CCDC178: variants seen among roughly 807,000 people sequenced by gnomAD.
CCDC178 encodes coiled-coil domain-containing protein 178.
CCDC178 carries 126 observed loss-of-function variants against 117.4 expected under a neutral mutation model. The observed-to-expected ratio is 1.07, with a 90% confidence interval of 0.93 to 1.24. CCDC178 has a LOEUF of 1.24. Ranked by LOEUF, CCDC178 falls within the 50% of genes most tolerant of loss-of-function variation. CCDC178 has a pLI of 0.00. For synonymous variants in CCDC178, 283 were observed against 313.4 expected (o/e 0.90, Z 1.02); for missense variants, 1,030 against 986.9 (o/e 1.04, Z -0.59).
intron 21 of CCDC178, among the ~76,000 whole-genome samples, chr18:32,990,216 G>A (rs1175912807): frequency 6.6e-6 from 1 of 151,986 alleles, no homozygotes; most frequent in Admixed American, 6.6e-5. Context: ...CTACAGCTAG[G>A]CAATTCTCAT....
chr18:33,273,569 T>C (rs191494864), intron 12 of CCDC178, among the ~76,000 whole-genome samples: 2 of 151,650 alleles, frequency 1.3e-5, no homozygotes, highest in Non-Finnish European at 3.0e-5. Context: ...CCATACTACA[T>C]TAATTACCAA....
rs1048986827 is a variant in CCDC178 at position 33,327,942 on chromosome 18, T to G, written c.880-4309A>C. ...ATATAATTTGCAATGTTTTCTTTCA[T>G]TCTATAGGTTGTCTTTTTACTTTCT... On this transcript the variant is annotated intron_variant, in intron 10 of 22. Transcript: ENST00000383096. Among the ~76,000 whole-genome samples, 11 of 152,098 alleles carry G rather than the reference T, an allele frequency of 7.2e-5. 1 individual carries two copies. The highest frequency in any genetic ancestry group is 6.5e-4 in the Admixed American group (10 of 15,270).
At chr18:33,191,506 TGTAA>T (rs550997536) in intron 20 of CCDC178, among the ~76,000 whole-genome samples, 1 of 152,146 alleles carries the variant, frequency 6.6e-6, no homozygotes, top group Non-Finnish European at 1.5e-5. Context: ...GAGCAGGCTA[TGTAA>T]GTATTTTCTG....
At position 32,977,824 on chromosome 18, in the gene CCDC178, G is replaced by A. The variant is rs558786712; in HGVS notation, c.2389-3143C>T. On this transcript the variant is annotated intron_variant, in intron 21 of 22. Transcript: ENST00000383096. ...TCCCCCAAGAGATCCTAGGATACTC[G>A]GAACTACACCTATGAACAAAGATTT... 2.9e-3 allele frequency among the ~76,000 whole-genome samples: 438 copies of A among 151,822 alleles called. 1 individual carries two copies. Among genetic ancestry groups the A allele is most frequent in the African/African-American group, 9.6e-3 (396 of 41,376 alleles).
intron 6 of CCDC178, among the ~76,000 whole-genome samples, chr18:33,366,625 C>T (rs1042777300): frequency 1.1e-4 from 16 of 151,950 alleles, no homozygotes; most frequent in African/African-American, 3.6e-4. Context: ...CCAATGTATA[C>T]AAATCCGTGG....
chr18:33,191,950 C>T (rs766263576), intron 20 of CCDC178, among the ~76,000 whole-genome samples: 1 of 152,042 alleles, frequency 6.6e-6, no homozygotes, highest in Non-Finnish European at 1.5e-5. Context: ...ATTAGTAATA[C>T]ATTAAAAATA....
At chr18:33,050,082 AAAAT>A (rs756932204) in intron 21 of CCDC178, among the ~76,000 whole-genome samples, 61 of 152,196 alleles carry the variant, frequency 4.0e-4, no homozygotes, top group Middle Eastern at 3.4e-3. Flanking sequence ...CTCCATCTCA[AAAAT>A]AAATAAATAA....
Position 33,367,532 on chromosome 18 carries a change from AT to A in CCDC178, c.348+2517del, listed in dbSNP as rs1186214757. On this transcript the variant is annotated intron_variant, in intron 6 of 22. Transcript: ENST00000383096. Reference sequence around the variant, plus strand: ...TGTAAGGTTGTCTAATATTACCAACATTTTTTGGTAATATTATCACTTTTTC... The same window carrying A: ...TGTAAGGTTGTCTAATATTACCAACATTTTTGGTAATATTATCACTTTTTC... Among the ~76,000 whole-genome samples the A allele has an allele frequency of 9.9e-5, 15 of 152,076 alleles. No homozygotes were observed. In the East Asian group the frequency reaches 2.9e-3, roughly 29 times the overall value.
At chr18:33,212,193 G>A in intron 19 of CCDC178, 138 bp from the exon 20 acceptor site, 1 of 582,130 alleles carries the variant, frequency 1.7e-6, no homozygotes, top group Non-Finnish European at 2.8e-6. Context: ...AAATTCCCTG[G>A]TTTTTCTCAA....
intron 11 of CCDC178, among the ~76,000 whole-genome samples, chr18:33,307,217 G>A (rs1448293326): frequency 6.6e-6 from 1 of 152,204 alleles, no homozygotes; most frequent in Non-Finnish European, 1.5e-5. Context: ...AAGAAGACAG[G>A]AAAATATGGG....
intron 12 of CCDC178, among the ~76,000 whole-genome samples, chr18:33,274,282 T>C (rs534163739): frequency 5.9e-5 from 9 of 151,884 alleles, no homozygotes; most frequent in Non-Finnish European, 8.8e-5. Flanking sequence ...TACGTTAGAA[T>C]TGAAACCCTT....
At chr18:32,993,110 G>A (rs534211459) in intron 21 of CCDC178, among the ~76,000 whole-genome samples, 7 of 152,206 alleles carry the variant, frequency 4.6e-5, no homozygotes, top group African/African-American at 1.4e-4. Flanking sequence ...AGGTTGCAGT[G>A]AGCTGAGATC....
intron 22 of CCDC178, among the ~76,000 whole-genome samples, chr18:32,967,524 G>T (rs2054840524): frequency 6.7e-6 from 1 of 149,098 alleles, no homozygotes; most frequent in African/African-American, 2.5e-5. Context: ...TCTTCATTCA[G>T]TTTCTATTTG....
intron 20 of CCDC178, among the ~76,000 whole-genome samples, chr18:33,125,477 T>C (rs1279240396): frequency 2.0e-5 from 3 of 152,164 alleles, no homozygotes; most frequent in African/African-American, 7.2e-5. Flanking sequence ...ACTTCACATA[T>C]GCTTGATCAT....
intron 20 of CCDC178, among the ~76,000 whole-genome samples, chr18:33,209,959 G>T (rs528277795): frequency 2.6e-5 from 4 of 152,144 alleles, no homozygotes; most frequent in South Asian, 4.1e-4. Context: ...CAGACAGAGA[G>T]AGATTGATTC....
At chr18:33,196,171 T>G (rs1163914520) in intron 20 of CCDC178, among the ~76,000 whole-genome samples, 1 of 152,178 alleles carries the variant, frequency 6.6e-6, no homozygotes, top group Admixed American at 6.5e-5. Flanking sequence ...AGTTCCAACC[T>G]CTGGAAAAAC....
rs151077555 is a variant in CCDC178, at chr18:33,326,218, A to C, written c.880-2585T>G. On this transcript the variant is annotated intron_variant, in intron 10 of 22. Transcript: ENST00000383096. ...TGGGTGTGGGTAGCTAAATTTCAGG[A>C]GATCTCTGTGGAGTGGCTAATTTTA... Among the ~76,000 whole-genome samples the C allele has an allele frequency of 4.4e-3, 671 of 152,318 alleles. 9 individuals carry two copies. Among genetic ancestry groups the C allele is most frequent in the Middle Eastern group, 0.014 (4 of 294 alleles).
intron 10 of CCDC178, among the ~76,000 whole-genome samples, chr18:33,331,955 G>A (rs2062675093): frequency 6.6e-6 from 1 of 152,174 alleles, no homozygotes; most frequent in Non-Finnish European, 1.5e-5. Context: ...AAGCAGTTTT[G>A]TTGCCAGATA....
intron 11 of CCDC178, among the ~76,000 whole-genome samples, chr18:33,302,975 T>C (rs1170272681): frequency 1.3e-5 from 2 of 152,142 alleles, no homozygotes; most frequent in African/African-American, 2.4e-5. Flanking sequence ...TAGTTAACAA[T>C]AATATATAGC....
Sources: gnomAD v4.1 joint callset for allele counts (sites outside exome capture counted in the v4.1 genomes callset) on GRCh38, gnomAD v4.1.1 for gene constraint, MANE v1.5 for transcripts, NCBI Gene and HGNC (gene_info 2026-07-23, HGNC 2026-07-21) for gene names.